The following AK7 variants were observed in gnomAD, a reference collection of about 807,000 sequenced individuals.
AK7 encodes adenylate kinase 7.
A neutral mutation model predicts 96.6 loss-of-function variants in AK7; 78 were observed. The ratio of observed to expected loss-of-function variants is 0.81; its 90% confidence interval spans 0.67 to 0.97. The LOEUF (loss-of-function observed/expected upper bound fraction) is 0.97, where lower values mean the gene tolerates loss of function less well. Among genes scored for constraint, AK7 ranks in the 50% least tolerant of loss-of-function variants. The probability of loss-of-function intolerance (pLI) is 0.00; values close to 1 mark genes in which losing one functional copy is unlikely to be tolerated. For missense variants in AK7, 855 were observed against 887.9 expected (o/e 0.96, Z 0.47); for synonymous variants, 302 against 317.2 (o/e 0.95, Z 0.51).
At chr14:96,461,609 T>A (rs1032727222) in intron 12 of AK7, among the ~76,000 whole-genome samples, 1 of 152,178 alleles carries the variant, frequency 6.6e-6, no homozygotes, top group Non-Finnish European at 1.5e-5. Flanking sequence ...TATTTATTTT[T>A]GAGAATGAGT....
chr14:96,402,294 A>G (rs557165566), intron 2 of AK7, among the ~76,000 whole-genome samples: 1 of 152,222 alleles, frequency 6.6e-6, no homozygotes, highest in South Asian at 2.1e-4. Context: ...GGGCCCACAA[A>G]TGTTTGTTGG....
At chr14:96,457,936 C>T in intron 11 of AK7, 147 bp from the exon 12 acceptor site, 1 of 1,000,126 alleles carries the variant, frequency 1.0e-6, no homozygotes, top group Non-Finnish European at 1.5e-6. Context: ...TGGATATGTG[C>T]ATCCTGCAAA....
At chr14:96,479,619 A>C (rs1895402378) in intron 15 of AK7, among the ~76,000 whole-genome samples, 1 of 152,072 alleles carries the variant, frequency 6.6e-6, no homozygotes, top group Non-Finnish European at 1.5e-5. Context: ...AGCTTAGCAC[A>C]CAGCAAGCAC....
chr14:96,418,444 C>T (rs750095843), intron 4 of AK7, among the ~76,000 whole-genome samples: 6 of 146,162 alleles, frequency 4.1e-5, no homozygotes, highest in Non-Finnish European at 9.1e-5. Flanking sequence ...GCATCCCCTA[C>T]CAATTCCCAG....
chr14:96,394,814 A>G (rs12897559), intron 1 of AK7, among the ~76,000 whole-genome samples: 46,534 of 152,128 alleles, frequency 0.31, 8,355 homozygotes, highest in Non-Finnish European at 0.4. Context: ...CATCTCTACT[A>G]AAAATACAAA....
At position 96,464,920 on chromosome 14, in the gene AK7, C is replaced by A. The variant is rs909273232; in HGVS notation, c.1358-6558C>A. Among the ~76,000 whole-genome samples the A allele has an allele frequency of 3.3e-5, 5 of 152,154 alleles. No homozygotes were observed. The South Asian group carries it at 6.2e-4, about 19-fold the overall frequency. The stretch of plus-strand genomic sequence containing the variant: ...ATCTGGCCTTTATTCAAGATGGAGT[C>A]ACTCCGGTTAGGACAAAGGATATTC... On this transcript the variant is annotated intron_variant, in intron 12 of 17. Transcript: ENST00000267584.
intron 11 of AK7, among the ~76,000 whole-genome samples, chr14:96,457,842 C>T (rs1894018661): frequency 6.6e-6 from 1 of 152,142 alleles, no homozygotes; most frequent in Non-Finnish European, 1.5e-5. Context: ...GATGTTGGCT[C>T]AAGCAGTTCT....
chr14:96,400,335 C>T (rs1029451990), intron 2 of AK7, among the ~76,000 whole-genome samples: 12 of 152,112 alleles, frequency 7.9e-5, no homozygotes, highest in African/African-American at 2.2e-4. Context: ...CCACCACGCC[C>T]GGCCCAAAAC....
At chr14:96,419,253 G>A (rs574012795) in intron 4 of AK7, among the ~76,000 whole-genome samples, 78 of 151,954 alleles carry the variant, frequency 5.1e-4, no homozygotes, top group Non-Finnish European at 9.0e-4. Flanking sequence ...CACATGCAAT[G>A]TCCTTTTTAA....
At chr14:96,469,592 C>T (rs1028051453) in intron 12 of AK7, among the ~76,000 whole-genome samples, 4 of 152,086 alleles carry the variant, frequency 2.6e-5, no homozygotes, top group East Asian at 1.9e-4. Context: ...TCCCTTGACA[C>T]GTTTTTATTT....
intron 2 of AK7, among the ~76,000 whole-genome samples, chr14:96,402,017 T>C (rs1343098988): frequency 6.6e-6 from 1 of 152,216 alleles, no homozygotes. Flanking sequence ...TTATGTTGGC[T>C]GTCCTGGGCC....
intron 4 of AK7, among the ~76,000 whole-genome samples, chr14:96,414,845 T>C (rs1467256483): frequency 2.7e-5 from 4 of 146,848 alleles, no homozygotes; most frequent in Non-Finnish European, 5.9e-5. Flanking sequence ...CTCCACCTCC[T>C]GGGCTCAAGT....
chr14:96,480,917 T>C (rs1448141663), intron 15 of AK7, among the ~76,000 whole-genome samples: 4 of 152,184 alleles, frequency 2.6e-5, no homozygotes, highest in African/African-American at 4.8e-5. Context: ...GCCTCTGCAA[T>C]GTCTGGAATG....
intron 14 of AK7, among the ~76,000 whole-genome samples, chr14:96,477,571 A>T (rs1895255480): frequency 6.6e-6 from 1 of 152,190 alleles, no homozygotes; most frequent in South Asian, 2.1e-4. Flanking sequence ...CCACACTTAA[A>T]TCTCTCATTC....
chr14:96,442,797 T>C lies in AK7; in HGVS notation c.758T>C (p.Ile253Thr), dbSNP rs1893029015. 6.2e-7 allele frequency: 1 copy of C among 1,614,044 alleles called. No individual in the cohort carries two copies. The highest frequency in any genetic ancestry group is 1.3e-5 in the African/African-American group (1 of 74,946). The change falls in exon 7 of 18, where the codon ATC (isoleucine) becomes ACC (threonine). Residue 253 changes from isoleucine to threonine, a missense_variant. Physicochemically the swap from Ile to Thr is moderately conservative, Grantham distance 89 (BLOSUM62 -1). Coordinates refer to ENST00000267584, the MANE Select transcript of AK7 (RefSeq NM_152327.5). ...FGDGTNVIPT[I>T]HVLDLAGVIQ... is the part of the protein sequence containing the mutation. Reference sequence around the variant, plus strand: ...GATGGAACAAATGTAATTCCAACAATCCATGTTCTTGATCTAGCAGGGTAA... The same window carrying C: ...GATGGAACAAATGTAATTCCAACAACCCATGTTCTTGATCTAGCAGGGTAA...
intron 13 of AK7, among the ~76,000 whole-genome samples, 163 bp downstream of exon 13, chr14:96,471,769 T>C (rs1374337269): frequency 1.3e-5 from 2 of 152,146 alleles, no homozygotes; most frequent in African/African-American, 4.8e-5. Context: ...TTTCTTTTTT[T>C]TTCCCCCTGG....
At chr14:96,454,976 C>A (rs1300754959) in intron 10 of AK7, among the ~76,000 whole-genome samples, 1 of 151,396 alleles carries the variant, frequency 6.6e-6, no homozygotes, top group African/African-American at 2.4e-5. Flanking sequence ...ACCAGCCTGG[C>A]TAACATGGTG....
Position 96,472,692 on chromosome 14 carries a change from G to A in AK7, c.1492G>A (p.Asp498Asn). ...GGAATATTTTGTTTTCTTAGAGGAA[G>A]ATGAGGAGGAGGAAGATGATGTCAG... The part of the protein sequence containing the change: ...DQAKDLFNQE[D>N]EEEEDDVRGR... Residue 498 changes from aspartate to asparagine, a missense_variant, in exon 14 of 18, where the codon GAT becomes AAT. By Grantham distance (23) the Asp-to-Asn change is conservative (BLOSUM62 1). Transcript: ENST00000267584. 6.2e-7 allele frequency: 1 copy of A among 1,612,946 alleles called. No homozygotes were observed. The highest frequency in any genetic ancestry group is 8.5e-7 in the Non-Finnish European group (1 of 1,179,026).
intron 10 of AK7, 84 bp from the exon 11 acceptor site, chr14:96,456,263 C>T: frequency 1.2e-6 from 1 of 801,640 alleles, no homozygotes; most frequent in Non-Finnish European, 1.7e-6. Context: ...AAAAAAAAAG[C>T]ACTCCCCTGA....
Sources: allele counts gnomAD v4.1 joint callset (sites outside exome capture counted in the v4.1 genomes callset), GRCh38; gene constraint gnomAD v4.1.1; transcripts MANE v1.5; gene names NCBI Gene and HGNC (gene_info 2026-07-23, HGNC 2026-07-21).